ZNF385D: variants seen among roughly 807,000 people sequenced by gnomAD.
ZNF385D encodes the protein zinc finger protein 385D.
ZNF385D carries 15 observed loss-of-function variants against 35.8 expected under a neutral mutation model. The observed-to-expected ratio is 0.42, with a 90% CI of 0.28 to 0.64. The LOEUF (loss-of-function observed/expected upper bound fraction) is 0.64. Ranked by LOEUF, ZNF385D falls within the 30% of genes least tolerant of loss-of-function variation. The probability of loss-of-function intolerance (pLI) is 0.23; values close to 1 mark genes in which losing one functional copy is unlikely to be tolerated. For synonymous variants in ZNF385D, 212 were observed against 186.8 expected (o/e 1.13, Z -1.10); for missense variants, 474 against 494.6 (o/e 0.96, Z 0.39).
chr3:22,032,669 T>A (rs1405132922), intron 3 of ZNF385D, among the ~76,000 whole-genome samples: 1 of 152,106 alleles, frequency 6.6e-6, no homozygotes, highest in Non-Finnish European at 1.5e-5. Context: ...CACTGACAAG[T>A]ACTAAACAAT....
chr3:22,332,678 T>C (rs1694993333), intron 2 of ZNF385D, among the ~76,000 whole-genome samples: 1 of 152,104 alleles, frequency 6.6e-6, no homozygotes, highest in Non-Finnish European at 1.5e-5. Flanking sequence ...TTAAATTATA[T>C]GGAAAGCCAA....
At chr3:21,517,078 G>C (rs1318998796) in intron 3 of ZNF385D, among the ~76,000 whole-genome samples, 2 of 100,534 alleles carry the variant, frequency 2.0e-5, no homozygotes, top group Non-Finnish European at 4.7e-5. Context: ...AGGAAAAAAA[G>C]CTTAAAATTT....
At chr3:21,655,787 G>C (rs1261566595) in intron 2 of ZNF385D, among the ~76,000 whole-genome samples, 1 of 151,986 alleles carries the variant, frequency 6.6e-6, no homozygotes, top group Non-Finnish European at 1.5e-5. Flanking sequence ...CTGAAATCTA[G>C]CCATGATTCA....
At chr3:21,702,526 C>T (rs1412091494) in intron 1 of ZNF385D, among the ~76,000 whole-genome samples, 1 of 152,256 alleles carries the variant, frequency 6.6e-6, no homozygotes, top group Non-Finnish European at 1.5e-5. Context: ...TGGGGATTAA[C>T]ATTAGGCTCC....
chr3:22,079,245 T>C (rs1700618205), intron 3 of ZNF385D, among the ~76,000 whole-genome samples: 1 of 150,720 alleles, frequency 6.6e-6, no homozygotes, highest in African/African-American at 2.4e-5. Context: ...AAAAGAAATA[T>C]AATTGCAACA....
chr3:21,579,749 C>T (rs1341911757), intron 2 of ZNF385D: 1 of 152,148 alleles, frequency 6.6e-6, no homozygotes, highest in African/African-American at 2.4e-5. Flanking sequence ...TCCTCTGAAA[C>T]CTGTAGGGGA....
intron 3 of ZNF385D, among the ~76,000 whole-genome samples, chr3:21,982,540 T>C (rs1303548811): frequency 6.6e-6 from 1 of 152,202 alleles, no homozygotes; most frequent in South Asian, 2.1e-4. Context: ...CAGAAATAGT[T>C]TGACTTCCTC....
chr3:21,879,663 T>A (rs1266240697), intron 3 of ZNF385D, among the ~76,000 whole-genome samples: 1 of 151,866 alleles, frequency 6.6e-6, no homozygotes, highest in Non-Finnish European at 1.5e-5. Flanking sequence ...GTCACAGAGG[T>A]CAGGAATCAC....
At chr3:21,491,220 T>G (rs1349795798) in intron 4 of ZNF385D, among the ~76,000 whole-genome samples, 2 of 148,986 alleles carry the variant, frequency 1.3e-5, no homozygotes, top group Non-Finnish European at 3.0e-5. Context: ...AAGGGGTTTT[T>G]TTTTTGGGAA....
intron 1 of ZNF385D, among the ~76,000 whole-genome samples, chr3:21,713,160 A>G (rs79419217): frequency 0.049 from 7,477 of 152,254 alleles, 586 homozygotes; most frequent in African/African-American, 0.17. Flanking sequence ...GCACACCCAC[A>G]CATGTGGAGT....
At chr3:21,750,090 T>C (rs2069987086) in intron 1 of ZNF385D, among the ~76,000 whole-genome samples, 1 of 152,218 alleles carries the variant, frequency 6.6e-6, no homozygotes, top group African/African-American at 2.4e-5. Context: ...AAATATTCAG[T>C]CCTTATCTTT....
chr3:21,501,767 A>C (rs900016307), intron 4 of ZNF385D, among the ~76,000 whole-genome samples: 4 of 152,248 alleles, frequency 2.6e-5, no homozygotes, highest in African/African-American at 9.6e-5. Flanking sequence ...AATCACATAA[A>C]AATGAGGAGG....
chr3:22,194,463 T>C (rs916817320), intron 2 of ZNF385D, among the ~76,000 whole-genome samples: 2 of 151,944 alleles, frequency 1.3e-5, no homozygotes, highest in African/African-American at 4.8e-5. Flanking sequence ...AGAAGATTTG[T>C]TTTTTAAAAT....
chr3:21,542,727 C>G (rs1182093632), intron 3 of ZNF385D: 1 of 152,184 alleles, frequency 6.6e-6, no homozygotes, highest in Non-Finnish European at 1.5e-5. Flanking sequence ...AGGGAGGAGC[C>G]TGGCCCCTCC....
intron 3 of ZNF385D, among the ~76,000 whole-genome samples, chr3:21,549,064 TGTAAA>T (rs1358550104): frequency 6.6e-6 from 1 of 152,222 alleles, no homozygotes; most frequent in East Asian, 1.9e-4. Flanking sequence ...ACTGGTCACA[TGTAAA>T]GTCAACTTTG....
chr3:21,724,114 C>T lies in ZNF385D; in HGVS notation c.22+26781G>A, dbSNP rs184219777. On this transcript the variant is annotated intron_variant, in intron 1 of 7. Transcript: ENST00000281523. ...CAAGCAAAAGCTGAGAGATTTTTGT[C>T]ACCACCAGGCCTGCCTTAAAAGAGC... Among the ~76,000 whole-genome samples, 499 of 152,142 alleles carry T rather than the reference C, an allele frequency of 3.3e-3. 5 individuals are homozygous for T. The highest frequency in any genetic ancestry group is 0.012 in the African/African-American group (485 of 41,522).
At chr3:21,781,935 C>G (rs2071505087) in intron 3 of ZNF385D, among the ~76,000 whole-genome samples, 1 of 152,030 alleles carries the variant, frequency 6.6e-6, no homozygotes, top group East Asian at 1.9e-4. Context: ...CAACTAGCAA[C>G]TTTCATCACT....
At chr3:21,857,823 G>GCA (rs1696812081) in intron 3 of ZNF385D, among the ~76,000 whole-genome samples, 1 of 151,774 alleles carries the variant, frequency 6.6e-6, no homozygotes, top group Non-Finnish European at 1.5e-5. Context: ...ATAGAGCCAA[G>GCA]CAGAGGAGGA....
intron 2 of ZNF385D, among the ~76,000 whole-genome samples, chr3:22,232,380 C>T (rs145675379): frequency 3.7e-4 from 56 of 150,930 alleles, no homozygotes; most frequent in East Asian, 1.6e-3. Context: ...AATGGCTTCA[C>T]GTTCTTTCTT....
Sources: allele counts gnomAD v4.1 joint callset (sites outside exome capture counted in the v4.1 genomes callset), GRCh38; gene constraint gnomAD v4.1.1; transcripts MANE v1.5; gene names NCBI Gene and HGNC (gene_info 2026-07-23, HGNC 2026-07-21).